Variants in TEX15 observed in about 807,000 individuals in gnomAD.
The protein encoded by TEX15 is testis expressed 15, meiosis and synapsis associated, also known as testis-expressed protein 15.
Under a neutral mutation model 237.3 loss-of-function variants are expected in TEX15, and 171 were observed. The observed-to-expected ratio is 0.72, with a 90% CI of 0.64 to 0.82. TEX15 has a LOEUF of 0.82. Among genes scored for constraint, TEX15 ranks in the 40% least tolerant of loss-of-function variants. TEX15 has a pLI of 0.00. For synonymous variants in TEX15, 1,338 were observed against 1,269.8 expected, an observed-to-expected ratio of 1.05 and a Z score of -1.14; for missense variants, 3,750 against 3,646.5, an observed-to-expected ratio of 1.03 and a Z score of -0.73.
At position 30,848,463 on chromosome 8, in the gene TEX15, G is replaced by T. The variant is rs755831106; in HGVS notation, c.1704C>A (p.Ser568=). 1.2e-6 allele frequency: 2 copies of T among 1,613,878 alleles called. No homozygotes were observed. The highest frequency in any genetic ancestry group is 2.7e-5 in the African/African-American group (2 of 74,872). The change falls in exon 8 of 11, where the codon TCC becomes TCA. Residue 568 remains serine, a synonymous_variant. Coordinates refer to ENST00000643185, the MANE Select transcript of TEX15 (RefSeq NM_001350162.2). ...EEKAQRAQQE[S]GNAYTKEYSS... is the part of the protein sequence containing the mutation. The stretch of plus-strand genomic sequence containing the variant: ...TGTACTCTTTTGTATAAGCATTACC[G>T]GACTCCTGTTGGGCTCTCTGAGCCT...
At chr8:30,860,324 G>A (rs1052800076) in intron 5 of TEX15, among the ~76,000 whole-genome samples, 2 of 151,834 alleles carry the variant, frequency 1.3e-5, no homozygotes, top group African/African-American at 2.4e-5. Flanking sequence ...TGTTGCCCAA[G>A]CTGGTCATGA....
At chr8:30,863,280 A>T (rs1808090404) in intron 5 of TEX15, among the ~76,000 whole-genome samples, 1 of 152,132 alleles carries the variant, frequency 6.6e-6, no homozygotes, top group East Asian at 1.9e-4. Flanking sequence ...ATTTTGGGGC[A>T]TTTCAGATTT....
At chr8:30,870,208 CATATA>C (rs1422047521) in intron 4 of TEX15, among the ~76,000 whole-genome samples, 1 of 151,850 alleles carries the variant, frequency 6.6e-6, no homozygotes, top group African/African-American at 2.4e-5. Context: ...TGAGAAAACT[CATATA>C]ATAGAGAAGC....
At position 30,844,188 on chromosome 8, in the gene TEX15, A is replaced by ATGATTAGC; in HGVS notation, c.5971_5978dup (p.His1993GlnfsTer8). ...GAGATAGATTAGCTATAAGGGCCGT[A>ATGATTAGC]TGATTAGCTGAGCAATGTTTTTCTT... On this transcript the variant is annotated frameshift_variant, in exon 8 of 11. Coordinates refer to ENST00000643185, the MANE Select transcript of TEX15 (RefSeq NM_001350162.2). LOFTEE classifies it high-confidence loss of function. 6.2e-7 allele frequency: 1 copy of ATGATTAGC among 1,612,458 alleles called. No homozygotes were observed. Among genetic ancestry groups the ATGATTAGC allele is most frequent in the Non-Finnish European group, 8.5e-7 (1 of 1,179,314 alleles).
Position 30,847,695 on chromosome 8 carries a change from A to G in TEX15, c.2472T>C (p.Tyr824=), listed in dbSNP as rs773430042. Residue 824 remains tyrosine (Y), a synonymous_variant, in exon 8 of 11, where the codon TAT becomes TAC. Transcript: ENST00000643185. ...TATCTTCAACATAAGCAGTTTCTTT[A>G]TAGTCTCTCTGAATGTTCTCTAATG... ...PVSLENIQRD[Y]KETAYVEDRG... 2.5e-6 allele frequency: 4 copies of G among 1,613,868 alleles called. No homozygotes were observed. Among genetic ancestry groups the G allele is most frequent in the Admixed American group, 1.7e-5 (1 of 60,022 alleles).
intron 8 of TEX15, among the ~76,000 whole-genome samples, chr8:30,841,367 A>T (rs1807448949): frequency 6.6e-6 from 1 of 152,154 alleles, no homozygotes; most frequent in Non-Finnish European, 1.5e-5. Flanking sequence ...CATTTACTAA[A>T]TTCTGTGACC....
At chr8:30,908,375 A>T (rs561581873) in intron 1 of TEX15, among the ~76,000 whole-genome samples, 6 of 152,154 alleles carry the variant, frequency 3.9e-5, no homozygotes, top group Middle Eastern at 3.4e-3. Context: ...CTCCCTTTTG[A>T]CTTGCTCTAT....
At position 30,847,908 on chromosome 8, in the gene TEX15, T is replaced by C; in HGVS notation, c.2259A>G (p.Ile753Met). 6.2e-7 allele frequency: 1 copy of C among 1,613,940 alleles called. No individual in the cohort carries two copies. Among genetic ancestry groups the C allele is most frequent in the South Asian group, 1.1e-5 (1 of 91,078 alleles). Residue 753 changes from isoleucine (I) to methionine (M), a missense_variant, in exon 8 of 11, where the codon ATA becomes ATG. By Grantham distance (10) the Ile-to-Met change is conservative (BLOSUM62 1). Transcript: ENST00000643185. ...QKLMELKLGK[I>M]NQNYASIITE... ...TTATAATGCTAGCATAATTTTGATT[T>C]ATTTTCCCCAATTTCAGTTCCATTA... is the stretch of plus-strand genomic sequence containing the variant.
At chr8:30,879,932 T>A (rs1808483075) in intron 3 of TEX15, among the ~76,000 whole-genome samples, 2 of 140,098 alleles carry the variant, frequency 1.4e-5, no homozygotes, top group East Asian at 1.9e-4. Flanking sequence ...ATTTCCTTTT[T>A]TTTTTTAAAA....
intron 4 of TEX15, among the ~76,000 whole-genome samples, chr8:30,873,945 A>T (rs1446280666): frequency 6.6e-6 from 1 of 152,196 alleles, no homozygotes; most frequent in Non-Finnish European, 1.5e-5. Flanking sequence ...CTATAACACT[A>T]ACAGGGAGAA....
chr8:30,842,230 C>G lies in TEX15; in HGVS notation c.7937G>C (p.Arg2646Thr). 1 of 1,612,530 alleles carries G rather than the reference C, an allele frequency of 6.2e-7. No individual in the cohort carries two copies. Among genetic ancestry groups the G allele is most frequent in the Non-Finnish European group, 8.5e-7 (1 of 1,179,336 alleles). The change falls in exon 8 of 11, where the codon AGG becomes ACG. Residue 2646 changes from arginine (R) to threonine (T), a missense_variant. By Grantham distance (71) the Arg-to-Thr change is moderately conservative (BLOSUM62 -1). Coordinates refer to ENST00000643185, the MANE Select transcript of TEX15 (RefSeq NM_001350162.2). ...FFLCQMLYNR[R>T]KILQLKRKEK... ...TTTTCTCTTCAGCTGTAAAATCTTC[C>G]TTCTGTTATACAGCATTTGGCATAG...
chr8:30,841,807 T>A (rs1277638757), intron 8 of TEX15, among the ~76,000 whole-genome samples, 197 bp downstream of exon 8: 1 of 152,230 alleles, frequency 6.6e-6, no homozygotes, highest in African/African-American at 2.4e-5. Context: ...TTGCAAGGTA[T>A]CACCTATACA....
chr8:30,856,960 CA>C (rs1197231793), intron 7 of TEX15, among the ~76,000 whole-genome samples: 2 of 151,962 alleles, frequency 1.3e-5, no homozygotes. Context: ...GGACCAGAAA[CA>C]AAAAATTATT....
intron 7 of TEX15, among the ~76,000 whole-genome samples, chr8:30,855,002 C>T: frequency 6.6e-6 from 1 of 152,240 alleles, no homozygotes; most frequent in Non-Finnish European, 1.5e-5. Flanking sequence ...AAAACTCCTA[C>T]AACGGACATC....
chr8:30,848,493 C>T lies in TEX15; in HGVS notation c.1674G>A (p.Glu558=), dbSNP rs1344222138. The change falls in exon 8 of 11, where the codon GAG becomes GAA. Residue 558 remains glutamate, a synonymous_variant. Coordinates refer to ENST00000643185, the MANE Select transcript of TEX15 (RefSeq NM_001350162.2). ...CCTGTTGGGCTCTCTGAGCCTTCTC[C>T]TCACTGTGGTTTTGGTTCTCAACCT... ...VSEVENQNHS[E]EKAQRAQQES... 5 of 1,614,104 alleles carry T rather than the reference C, an allele frequency of 3.1e-6. No individual in the cohort carries two copies. Among genetic ancestry groups the T allele is most frequent in the African/African-American group, 1.3e-5 (1 of 75,036 alleles).
chr8:30,839,644 C>G (rs323340), intron 9 of TEX15, among the ~76,000 whole-genome samples: 3,315 of 152,260 alleles, frequency 0.022, 118 homozygotes, highest in African/African-American at 0.075. Context: ...TCAGAATATT[C>G]TTAACCTTTA....
chr8:30,907,450 T>C (rs1316409863), intron 1 of TEX15, among the ~76,000 whole-genome samples: 2 of 147,980 alleles, frequency 1.4e-5, no homozygotes, highest in Admixed American at 6.8e-5. Flanking sequence ...ATACAATGTA[T>C]ATATAAATTA....
At chr8:30,834,382 G>A (rs1438140236) in intron 10 of TEX15, among the ~76,000 whole-genome samples, 2 of 152,132 alleles carry the variant, frequency 1.3e-5, no homozygotes, top group African/African-American at 4.8e-5. Flanking sequence ...ATGTTGTCCA[G>A]GCTGGTCTCA....
intron 7 of TEX15, among the ~76,000 whole-genome samples, chr8:30,853,847 G>T (rs1211856470): frequency 1.3e-5 from 2 of 151,850 alleles, no homozygotes; most frequent in Non-Finnish European, 2.9e-5. Context: ...ATAGATATCG[G>T]TTAACAAAAA....
Sources: gnomAD v4.1 joint callset for allele counts (sites outside exome capture counted in the v4.1 genomes callset) on GRCh38, gnomAD v4.1.1 for gene constraint, MANE v1.5 for transcripts, NCBI Gene and HGNC (gene_info 2026-07-23, HGNC 2026-07-21) for gene names.